MYO16: variants seen among roughly 807,000 people sequenced by gnomAD.
The protein encoded by MYO16 is myosin XVI, also known as unconventional myosin-XVI.
Under a neutral mutation model 205.3 loss-of-function variants are expected in MYO16, and 94 were observed. The observed-to-expected ratio is 0.46, with a 90% CI of 0.39 to 0.54. The LOEUF is 0.54. MYO16 is among the 20% of genes least tolerant of loss of function. MYO16 has a pLI of 0.00. For missense variants in MYO16, 2,315 were observed against 2,387.5 expected, an observed-to-expected ratio of 0.97 and a Z score of 0.63; for synonymous variants, 988 against 954.0, an observed-to-expected ratio of 1.04 and a Z score of -0.66.
chr13:108,593,970 A>G (rs1476629496), upstream of MYO16, among the ~76,000 whole-genome samples: 1 of 152,164 alleles, frequency 6.6e-6, no homozygotes, highest in Non-Finnish European at 1.5e-5. Flanking sequence ...AATTTTTCCA[A>G]ACCTCAAGTC....
the MYO16 span, among the ~76,000 whole-genome samples, chr13:108,561,926 A>G: frequency 6.6e-6 from 1 of 152,234 alleles, no homozygotes; most frequent in Middle Eastern, 3.2e-3. Flanking sequence ...TTATAAGGAC[A>G]TCATTCCATC....
intron 2 of MYO16, among the ~76,000 whole-genome samples, chr13:108,694,763 G>T (rs1883025994): frequency 6.6e-6 from 1 of 152,034 alleles, no homozygotes; most frequent in Admixed American, 6.6e-5. Context: ...TGTGTTGTTG[G>T]TATCATATCT....
At chr13:109,016,199 T>C (rs1180109277) in intron 22 of MYO16, among the ~76,000 whole-genome samples, 1 of 152,234 alleles carries the variant, frequency 6.6e-6, no homozygotes, top group Admixed American at 6.5e-5. Context: ...CATCTTTATT[T>C]CTCCCTTCAT....
chr13:109,023,195 AT>A (rs1322647866), intron 23 of MYO16, among the ~76,000 whole-genome samples: 1 of 125,904 alleles, frequency 7.9e-6, no homozygotes, highest in Non-Finnish European at 1.6e-5. Context: ...TATATATTAT[AT>A]ATGAATATAA....
chr13:108,995,693 C>G (rs1035258255), intron 21 of MYO16, among the ~76,000 whole-genome samples: 8 of 152,040 alleles, frequency 5.3e-5, no homozygotes, highest in Non-Finnish European at 8.8e-5. Flanking sequence ...TGCGGTGTTT[C>G]GTTTTTTGTC....
chr13:108,712,701 C>T lies in MYO16; in HGVS notation c.333C>T (p.Leu111=), dbSNP rs144721835. 6.8e-5 allele frequency: 109 copies of T among 1,614,050 alleles called. No individual in the cohort carries two copies. The African/African-American group carries it at 8.0e-4, about 12-fold the overall frequency. ...LLKEGADPHT[L]VSSGGSLLHL... Reference sequence around the variant, plus strand: ...AGGAGGGGGCAGACCCCCACACCCTCGTCTCCTCGGGAGGGTCCCTGCTCC... The same window carrying T: ...AGGAGGGGGCAGACCCCCACACCCTTGTCTCCTCGGGAGGGTCCCTGCTCC... Residue 111 remains leucine, a synonymous_variant, in exon 3 of 35, where the codon CTC becomes CTT. Coordinates refer to ENST00000457511, the MANE Select transcript of MYO16 (RefSeq NM_001198950.3).
At chr13:108,892,684 T>G (rs1224582463) in intron 14 of MYO16, among the ~76,000 whole-genome samples, 1 of 152,038 alleles carries the variant, frequency 6.6e-6, no homozygotes, top group Non-Finnish European at 1.5e-5. Flanking sequence ...AGCCTCAAGT[T>G]AACTAACGGA....
At chr13:109,137,447 A>G (rs1300365422) in intron 31 of MYO16, among the ~76,000 whole-genome samples, 1 of 152,158 alleles carries the variant, frequency 6.6e-6, no homozygotes, top group Admixed American at 6.5e-5. Flanking sequence ...CTTCAGAGCA[A>G]CTCTGTAATC....
At chr13:108,543,692 C>T in the MYO16 span, among the ~76,000 whole-genome samples, 1 of 147,254 alleles carries the variant, frequency 6.8e-6, no homozygotes, top group Non-Finnish European at 1.5e-5. Context: ...TTTTATTTGA[C>T]CAAAGTTAAG....
intron 34 of MYO16, among the ~76,000 whole-genome samples, chr13:109,181,681 T>C (rs1216386958): frequency 6.6e-6 from 1 of 152,182 alleles, no homozygotes; most frequent in Non-Finnish European, 1.5e-5. Context: ...AAAGATCATA[T>C]GGAAAATTCA....
At position 108,722,168 on chromosome 13, in the gene MYO16, A is replaced by G. The variant is rs929454944; in HGVS notation, c.364-5272A>G. On this transcript the variant is annotated intron_variant, in intron 3 of 34. Transcript: ENST00000457511. ...AGCAGGAGCTTGGGGACCTGGCTCC[A>G]GGCTGCAGGTGGAGGACCTGGTGGT... 7.9e-5 allele frequency among the ~76,000 whole-genome samples: 12 copies of G among 152,154 alleles called. 1 individual carries two copies. Among genetic ancestry groups the G allele is most frequent in the African/African-American group, 2.7e-4 (11 of 41,434 alleles).
the MYO16 span, among the ~76,000 whole-genome samples, chr13:108,553,492 G>A: frequency 6.6e-6 from 1 of 152,022 alleles, no homozygotes; most frequent in Non-Finnish European, 1.5e-5. Context: ...TGTTTATTTT[G>A]TCTACATCTG....
intron 4 of MYO16, among the ~76,000 whole-genome samples, chr13:108,735,251 A>T (rs951387117): frequency 1.4e-5 from 2 of 145,712 alleles, no homozygotes; most frequent in African/African-American, 5.2e-5. Flanking sequence ...TCCTAATGCT[A>T]TCCCCCCTCC....
chr13:109,185,947 A>T (rs1879668481), intron 34 of MYO16, among the ~76,000 whole-genome samples: 1 of 152,124 alleles, frequency 6.6e-6, no homozygotes, highest in African/African-American at 2.4e-5. Flanking sequence ...CTGTGGTGGG[A>T]CTTTTTTTTC....
chr13:108,745,982 A>G (rs1195686632), intron 4 of MYO16, among the ~76,000 whole-genome samples: 1 of 151,926 alleles, frequency 6.6e-6, no homozygotes. Context: ...GGTCAGGAGA[A>G]CGAGACCATC....
At chr13:109,071,529 A>G (rs1329231507) in intron 27 of MYO16, among the ~76,000 whole-genome samples, 1 of 152,200 alleles carries the variant, frequency 6.6e-6, no homozygotes, top group Non-Finnish European at 1.5e-5. Context: ...TAAAAATCAG[A>G]GTCCCATTCA....
At chr13:108,969,908 C>T (rs766169591) in intron 20 of MYO16, among the ~76,000 whole-genome samples, 2 of 152,188 alleles carry the variant, frequency 1.3e-5, no homozygotes, top group Non-Finnish European at 2.9e-5. Flanking sequence ...ATTTTCTTAA[C>T]ACTTCTCCTC....
At chr13:108,879,920 C>T (rs540422098) in intron 12 of MYO16, among the ~76,000 whole-genome samples, 9 of 152,284 alleles carry the variant, frequency 5.9e-5, no homozygotes, top group Non-Finnish European at 1.0e-4. Context: ...AGTTCTAGAT[C>T]CTTGTGGAAT....
At chr13:108,875,613 G>A (rs1049171095) in intron 12 of MYO16, among the ~76,000 whole-genome samples, 3 of 152,058 alleles carry the variant, frequency 2.0e-5, no homozygotes, top group Non-Finnish European at 2.9e-5. Context: ...GACACTCAAG[G>A]CTCATCACCC....
Sources: gnomAD v4.1 joint callset for allele counts (sites outside exome capture counted in the v4.1 genomes callset) on GRCh38, gnomAD v4.1.1 for gene constraint, MANE v1.5 for transcripts, NCBI Gene and HGNC (gene_info 2026-07-23, HGNC 2026-07-21) for gene names.